The following ZNF418 variants were observed in gnomAD, a reference collection of about 807,000 sequenced individuals.
The protein encoded by ZNF418 is zinc finger protein 418.
ZNF418 carries 32 observed loss-of-function variants against 32.0 expected under a neutral mutation model. That is an observed-to-expected ratio of 1.00 (90% confidence interval 0.75 to 1.34). ZNF418 has a LOEUF of 1.34. Ranked by LOEUF, ZNF418 falls within the 40% of genes most tolerant of loss-of-function variation. ZNF418 has a pLI of 0.00. For synonymous variants in ZNF418, 276 were observed against 270.7 expected, an observed-to-expected ratio of 1.02 and a Z score of -0.19; for missense variants, 804 against 812.5, an observed-to-expected ratio of 0.99 and a Z score of 0.13.
intron 3 of ZNF418, 67 bp from the exon 4 acceptor site, chr19:57,928,114 C>G (rs779165027): frequency 2.2e-6 from 3 of 1,345,332 alleles, no homozygotes; most frequent in Non-Finnish European, 2.0e-6. Context: ...CACCCACAAG[C>G]GTGTCTGACA....
Position 57,927,216 on chromosome 19 carries a change from G to C in ZNF418, c.965C>G (p.Ser322Cys), listed in dbSNP as rs879132208. ...RPYECGECGK[S>C]FSQNGTLIKH... is the part of the protein sequence containing the mutation. ...AATGAGAGTACCATTTTGACTAAAAGATTTCCCACATTCTCCACACTCATA... is the reference window on the plus strand; with the variant it reads ...AATGAGAGTACCATTTTGACTAAAACATTTCCCACATTCTCCACACTCATA... The change falls in exon 4 of 6, where the codon TCT (serine) becomes TGT (cysteine). Residue 322 changes from serine to cysteine, a missense_variant. Ser to Cys is a moderately radical substitution (Grantham distance 112, BLOSUM62 -1). Transcript: ENST00000396147. The C allele has an allele frequency of 6.2e-7, 1 of 1,613,714 alleles. No homozygotes were observed. Among genetic ancestry groups the C allele is most frequent in the Non-Finnish European group, 8.5e-7 (1 of 1,179,946 alleles).
In ZNF418 at chr19:57,927,888, G is replaced by A; in HGVS notation, c.293C>T (p.Ala98Val). 3 of 1,614,060 alleles carry A rather than the reference G, an allele frequency of 1.9e-6. No individual in the cohort carries two copies. Among genetic ancestry groups the A allele is most frequent in the Non-Finnish European group, 2.5e-6 (3 of 1,180,024 alleles). ...GAILGDILHL[A>V]DHQGTHHKQK... The stretch of plus-strand genomic sequence containing the variant: ...CTTGTGATGTGTCCCCTGATGATCT[G>A]CCAAGTGCAAAATGTCTCCCAAGAT... Residue 98 changes from alanine (A) to valine (V), a missense_variant, in exon 4 of 6, where the codon GCA (alanine) becomes GTA (valine). Around this residue, in one of 3 missense-constraint regions of ZNF418, gnomAD observed 307 missense variants for 304.9 expected, o/e 1.01. Transcript: ENST00000396147.
intron 2 of ZNF418, among the ~76,000 whole-genome samples, chr19:57,932,828 G>C (rs889920294): frequency 1.3e-5 from 2 of 152,126 alleles, no homozygotes; most frequent in Non-Finnish European, 2.9e-5. Flanking sequence ...CCACAGAGTG[G>C]TGAATAAGTA....
chr19:57,926,996 T>C lies in ZNF418; in HGVS notation c.1185A>G (p.Glu395=), dbSNP rs765764365. The stretch of plus-strand genomic sequence containing the variant: ...CACATTCTCCACACTCATAAGGTCG[T>C]TCTCTAGTGTGAACTCGATGATGTT... ...LTEHHRVHTR[E]RPYECGECGK... is the part of the protein sequence containing the mutation. The change falls in exon 4 of 6, where the codon GAA becomes GAG. Residue 395 remains glutamate (E), a synonymous_variant. Coordinates refer to ENST00000396147, the MANE Select transcript of ZNF418 (RefSeq NM_133460.3). 8 of 1,614,052 alleles carry C rather than the reference T, an allele frequency of 5.0e-6. No individual in the cohort carries two copies. In the East Asian group the frequency reaches 1.3e-4, roughly 27 times the overall value.
At chr19:57,928,145 GAAATA>G in intron 3 of ZNF418, 98 bp from the exon 4 acceptor site, 1 of 1,051,936 alleles carries the variant, frequency 9.5e-7, no homozygotes, top group Non-Finnish European at 1.4e-6. Flanking sequence ...TTACTCCATG[GAAATA>G]TTTGCAGGAA....
intron 2 of ZNF418, chr19:57,932,665 A>C: frequency 1.4e-6 from 2 of 1,400,358 alleles, no homozygotes; most frequent in East Asian, 2.6e-5. Context: ...AGTGGAAAAC[A>C]AAAGAAAAAA....
Position 57,932,505 on chromosome 19 carries a change from T to A in ZNF418, c.6+1312A>T, listed in dbSNP as rs570194569. The A allele has an allele frequency of 7.4e-4, 1,134 of 1,535,244 alleles. 12 individuals carry two copies. The highest frequency in any genetic ancestry group is 2.3e-4 in the Non-Finnish European group (262 of 1,146,684). On this transcript the variant is annotated intron_variant, in intron 2 of 5. Coordinates refer to ENST00000396147, the MANE Select transcript of ZNF418 (RefSeq NM_133460.3). ...GAAGGCCTTCTTGCATGGCTCCACA[T>A]CCCCACAGAACCAGGTGGGGCTTTA...
In ZNF418 at chr19:57,927,580, T is replaced by A; in HGVS notation, c.601A>T (p.Thr201Ser). The change falls in exon 4 of 6, where the codon ACT (threonine) becomes TCT (serine). Residue 201 changes from threonine (T) to serine (S), a missense_variant. Around this residue, in one of 3 missense-constraint regions of ZNF418, gnomAD observed 307 missense variants for 304.9 expected, o/e 1.01. Coordinates refer to ENST00000396147, the MANE Select transcript of ZNF418 (RefSeq NM_133460.3). Reference protein sequence around the residue: ...ECESPFQWGDTHYSCGECMKH... With the variant: ...ECESPFQWGDSHYSCGECMKH... ...ATGCATTCTCCACAGCTGTAATGAG[T>A]ATCTCCCCACTGAAAGGGAGACTCA... is the stretch of plus-strand genomic sequence containing the variant. The A allele has an allele frequency of 1.2e-6, 2 of 1,614,188 alleles. No individual in the cohort carries two copies. Among genetic ancestry groups the A allele is most frequent in the Non-Finnish European group, 1.7e-6 (2 of 1,180,022 alleles).
chr19:57,932,485 C>G, intron 2 of ZNF418: 1 of 1,535,378 alleles, frequency 6.5e-7, no homozygotes, highest in East Asian at 2.4e-5. Flanking sequence ...TCTATGAAGG[C>G]CTTCTTGCAT....
chr19:57,929,043 T>C (rs2072371255), intron 3 of ZNF418, among the ~76,000 whole-genome samples: 1 of 152,078 alleles, frequency 6.6e-6, no homozygotes, highest in Non-Finnish European at 1.5e-5. Context: ...ACACACTTGC[T>C]AATACACAAT....
Position 57,927,624 on chromosome 19 carries a change from G to T in ZNF418, c.557C>A (p.Ser186Ter). ...LQEATHTGEK[S>*]NSKPECESPF... is the part of the protein sequence containing the mutation. ...AGACTCACACTCAGGTTTGCTGTTT[G>T]ACTTCTCCCCAGTGTGAGTGGCCTC... Residue 186 changes from serine to a stop codon, truncating the protein, a stop_gained, in exon 4 of 6, where the codon TCA becomes TAA. Coordinates refer to ENST00000396147, the MANE Select transcript of ZNF418 (RefSeq NM_133460.3). LOFTEE classifies it high-confidence loss of function. 6.2e-7 allele frequency: 1 copy of T among 1,613,990 alleles called. No individual in the cohort carries two copies. The highest frequency in any genetic ancestry group is 8.5e-7 in the Non-Finnish European group (1 of 1,179,898).
At chr19:57,929,817 G>A (rs988500809) in intron 3 of ZNF418, among the ~76,000 whole-genome samples, 1 of 151,930 alleles carries the variant, frequency 6.6e-6, no homozygotes, top group South Asian at 2.1e-4. Context: ...CTAGTAGCTG[G>A]GACTACAGGC....
chr19:57,926,733 T>A lies in ZNF418; in HGVS notation c.1448A>T (p.Glu483Val). ...AAATGATTTCCCACATTCATTACATTCATATGGCCTTTCTCCAGTGTGAAC... is the reference window on the plus strand; with the variant it reads ...AAATGATTTCCCACATTCATTACATACATATGGCCTTTCTCCAGTGTGAAC... ...QRVHTGERPY[E>V]CNECGKSFQD... The change falls in exon 4 of 6, where the codon GAA becomes GTA. Residue 483 changes from glutamate (E) to valine (V), a missense_variant. Transcript: ENST00000396147. The A allele has an allele frequency of 6.2e-7, 1 of 1,614,154 alleles. No homozygotes were observed.
intron 3 of ZNF418, among the ~76,000 whole-genome samples, 195 bp downstream of exon 3, chr19:57,930,233 G>T (rs1446170737): frequency 6.6e-6 from 1 of 152,180 alleles, no homozygotes; most frequent in Non-Finnish European, 1.5e-5. Context: ...CTGCAGCAAA[G>T]CACGTATTGG....
chr19:57,926,109 G>A lies in ZNF418; in HGVS notation c.*41C>T, dbSNP rs2122750266. 2 of 1,511,696 alleles carry A rather than the reference G, an allele frequency of 1.3e-6. No homozygotes were observed. The highest frequency in any genetic ancestry group is 1.8e-6 in the Non-Finnish European group (2 of 1,106,460). 93.6% of individuals were successfully genotyped at this position (1,511,696 alleles called of 1,614,324 possible). A position where few individuals can be genotyped will look rare whatever the true frequency, so the allele number is the denominator to read the frequency against. Reference sequence around the variant, plus strand: ...CCAGTAAGAACCCTCTGATCAAGAAGATGCACAGAGGTTTAGCTAAAGAAT... The same window carrying A: ...CCAGTAAGAACCCTCTGATCAAGAAAATGCACAGAGGTTTAGCTAAAGAAT... On this transcript the variant is annotated 3_prime_UTR_variant, in exon 4 of 6. Coordinates refer to ENST00000396147, the MANE Select transcript of ZNF418 (RefSeq NM_133460.3).
At chr19:57,934,207 A>ATCT in intron 1 of ZNF418, 2 of 1,121,296 alleles carry the variant, frequency 1.8e-6, no homozygotes, top group South Asian at 5.8e-5. Flanking sequence ...GAGGGAATGG[A>ATCT]ACACCCTCTA....
intron 1 of ZNF418, chr19:57,934,135 G>A: frequency 1.5e-6 from 2 of 1,326,434 alleles, no homozygotes; most frequent in South Asian, 1.9e-5. Context: ...CTGAAAAAAT[G>A]GCAAGTAAGA....
Position 57,927,967 on chromosome 19 carries a change from G to A in ZNF418, c.214C>T (p.Pro72Ser), listed in dbSNP as rs544151289. The A allele has an allele frequency of 8.1e-6, 13 of 1,611,138 alleles. No individual in the cohort carries two copies. In the South Asian group the frequency reaches 1.3e-4, roughly 16 times the overall value. Residue 72 changes from proline (P) to serine (S), a missense_variant, in exon 4 of 6, where the codon CCT becomes TCT. Physicochemically the swap from Pro to Ser is moderately conservative, Grantham distance 74. This residue lies in a region of ZNF418 where 307 missense variants were observed against 304.9 expected (regional missense o/e 1.01). Transcript: ENST00000396147. The part of the protein sequence containing the change: ...SIQRVSQVST[P>S]GAGVSPKKAH... ...TTCTTGGGAGACACACCTGCCCCAG[G>A]AGTGCTGACCTGAGACACTCTTTGT...
In ZNF418 at chr19:57,935,387, G is replaced by T; in HGVS notation, c.-307C>A. The T allele has an allele frequency of 4.4e-6, 1 of 226,472 alleles. No individual in the cohort carries two copies. Among genetic ancestry groups the T allele is most frequent in the Non-Finnish European group, 7.8e-6 (1 of 128,356 alleles). The allele number at this position is 226,472 out of a possible 1,614,324, so 14.0% of individuals were successfully genotyped here. A position where few individuals can be genotyped will look rare whatever the true frequency, so the allele number is the denominator to read the frequency against. ...ATTAACCAAAATGGTCGCTACCAGA[G>T]AACGCTGAGAATCCCGCCACTACGT... On this transcript the variant is annotated 5_prime_UTR_variant, in exon 1 of 6. Coordinates refer to ENST00000396147, the MANE Select transcript of ZNF418 (RefSeq NM_133460.3).
Sources: allele counts gnomAD v4.1 joint callset (sites outside exome capture counted in the v4.1 genomes callset), GRCh38; gene constraint gnomAD v4.1.1; regional missense constraint gnomAD v4.1.1; transcripts MANE v1.5; gene names NCBI Gene and HGNC (gene_info 2026-07-23, HGNC 2026-07-21).